Variants in DENND5B observed in about 807,000 individuals in gnomAD.
DENND5B encodes DENN domain-containing protein 5B.
DENND5B carries 34 observed loss-of-function variants against 140.6 expected under a neutral mutation model. The observed-to-expected ratio is 0.24, with a 90% CI of 0.18 to 0.32. DENND5B has a LOEUF of 0.32. Ranked by LOEUF, DENND5B falls within the 10% of genes least tolerant of loss-of-function variation. The pLI is 1.00. For missense variants in DENND5B, 1,142 were observed against 1,560.2 expected, an observed-to-expected ratio of 0.73 and a Z score of 4.52; for synonymous variants, 551 against 562.1, an observed-to-expected ratio of 0.98 and a Z score of 0.28.
At chr12:31,587,144 T>C (rs142534487) in intron 1 of DENND5B, among the ~76,000 whole-genome samples, 164 of 152,314 alleles carry the variant, frequency 1.1e-3, no homozygotes, top group African/African-American at 3.5e-3. Flanking sequence ...TTTCTATCTA[T>C]ACTCAACCCT....
Position 31,495,936 on chromosome 12 carries a change from A to G in DENND5B, c.128-17T>C. The G allele has an allele frequency of 6.5e-7, 1 of 1,542,028 alleles. No homozygotes were observed. The highest frequency in any genetic ancestry group is 8.9e-7 in the Non-Finnish European group (1 of 1,127,646). ...AATTTTCGCCTACAACAAATAATACATAGTTAATATCTAGAACTTTTCCAA... is the reference window on the plus strand; with the variant it reads ...AATTTTCGCCTACAACAAATAATACGTAGTTAATATCTAGAACTTTTCCAA... On this transcript the variant is annotated splice_polypyrimidine_tract_variant and intron_variant, in intron 1 of 20. Coordinates refer to ENST00000389082, the MANE Select transcript of DENND5B (RefSeq NM_144973.4).
chr12:31,586,232 T>C (rs559263635), intron 1 of DENND5B, among the ~76,000 whole-genome samples: 2 of 152,330 alleles, frequency 1.3e-5, no homozygotes, highest in South Asian at 4.1e-4. Flanking sequence ...ATTGCATGAT[T>C]TACCTCCATT....
rs143154339 is a variant in DENND5B at position 31,559,864 on chromosome 12, A to C, written c.127+30842T>G. Among the ~76,000 whole-genome samples, 633 of 152,184 alleles carry C rather than the reference A, an allele frequency of 4.2e-3. 5 individuals are homozygous for C. Among genetic ancestry groups the C allele is most frequent in the African/African-American group, 0.014 (574 of 41,524 alleles). On this transcript the variant is annotated intron_variant, in intron 1 of 20. Coordinates refer to ENST00000389082, the MANE Select transcript of DENND5B (RefSeq NM_144973.4). Reference sequence around the variant, plus strand: ...TAGGAATTTTACAACGGAAGGAAAAAAGGGAAGAAAAAAGAGATACTCTTA... The same window carrying C: ...TAGGAATTTTACAACGGAAGGAAAACAGGGAAGAAAAAAGAGATACTCTTA...
intron 1 of DENND5B, among the ~76,000 whole-genome samples, chr12:31,573,491 G>A (rs1949893900): frequency 6.6e-6 from 1 of 152,192 alleles, no homozygotes; most frequent in Admixed American, 6.5e-5. Flanking sequence ...GCCCCATAAT[G>A]ATTCAACAAG....
intron 1 of DENND5B, among the ~76,000 whole-genome samples, chr12:31,515,446 A>G (rs1360667883): frequency 6.6e-6 from 1 of 152,186 alleles, no homozygotes; most frequent in Non-Finnish European, 1.5e-5. Context: ...TAACCAGGGA[A>G]ACTACATTAT....
intron 11 of DENND5B, among the ~76,000 whole-genome samples, chr12:31,419,272 G>C (rs939643031): frequency 1.3e-5 from 2 of 152,152 alleles, no homozygotes; most frequent in African/African-American, 4.8e-5. Flanking sequence ...ACGAGAATTT[G>C]CTCATCTGCC....
intron 7 of DENND5B, 88 bp from the exon 8 acceptor site, chr12:31,433,336 T>G (rs904068467): frequency 1.8e-6 from 2 of 1,129,580 alleles, no homozygotes; most frequent in Non-Finnish European, 1.2e-6. Flanking sequence ...GACACACACA[T>G]TTTAAAATCA....
chr12:31,553,408 T>G (rs954365805), intron 1 of DENND5B, among the ~76,000 whole-genome samples: 2 of 152,242 alleles, frequency 1.3e-5, no homozygotes, highest in African/African-American at 2.4e-5. Context: ...CCTAGTTTGA[T>G]TGCACTGTGG....
chr12:31,528,876 T>A (rs141696072), intron 1 of DENND5B, among the ~76,000 whole-genome samples: 1 of 152,048 alleles, frequency 6.6e-6, no homozygotes. Flanking sequence ...ATTAAAGTCA[T>A]GAGGGTCAGG....
chr12:31,478,460 T>C (rs998585686), intron 3 of DENND5B, among the ~76,000 whole-genome samples: 1 of 152,170 alleles, frequency 6.6e-6, no homozygotes, highest in Non-Finnish European at 1.5e-5. Context: ...ATTCCAGCAC[T>C]TTGGGAGGCC....
chr12:31,445,506 C>A (rs2138023750), intron 6 of DENND5B, among the ~76,000 whole-genome samples: 1 of 152,218 alleles, frequency 6.6e-6, no homozygotes, highest in Non-Finnish European at 1.5e-5. Flanking sequence ...GAGTTCAAGA[C>A]CAGCCTGAGC....
At chr12:31,464,308 G>A (rs1211098114) in intron 3 of DENND5B, among the ~76,000 whole-genome samples, 1 of 152,084 alleles carries the variant, frequency 6.6e-6, no homozygotes, top group Non-Finnish European at 1.5e-5. Context: ...TGCCCAGAAT[G>A]TCCCTTCCTC....
chr12:31,483,929 A>G (rs1479712827), intron 2 of DENND5B, among the ~76,000 whole-genome samples: 6 of 148,450 alleles, frequency 4.0e-5, no homozygotes, highest in African/African-American at 1.2e-4. Context: ...CGGTGGCGCA[A>G]TCTTGGCTCA....
At chr12:31,388,584 G>A (rs1940966326) in intron 20 of DENND5B, among the ~76,000 whole-genome samples, 2 of 152,000 alleles carry the variant, frequency 1.3e-5, no homozygotes, top group Non-Finnish European at 1.5e-5. Flanking sequence ...GCCATCTTCA[G>A]TCTCAAGTTG....
At chr12:31,490,570 C>G (rs1208878628) in intron 2 of DENND5B, among the ~76,000 whole-genome samples, 1 of 151,266 alleles carries the variant, frequency 6.6e-6, no homozygotes, top group Admixed American at 6.6e-5. Context: ...AAGATTGCAC[C>G]AGTGCACTCC....
At chr12:31,405,328 C>T (rs1464905342) in intron 14 of DENND5B, among the ~76,000 whole-genome samples, 2 of 151,950 alleles carry the variant, frequency 1.3e-5, no homozygotes, top group African/African-American at 4.8e-5. Flanking sequence ...GTGATCCTCC[C>T]ACCTCGGCCT....
intron 1 of DENND5B, among the ~76,000 whole-genome samples, chr12:31,533,943 C>T (rs1191802542): frequency 6.7e-6 from 1 of 148,972 alleles, no homozygotes; most frequent in Non-Finnish European, 1.5e-5. Context: ...GTTAGTTCTT[C>T]TGGTTTAAAA....
Position 31,383,123 on chromosome 12 carries a change from CT to C in DENND5B, c.*4479del, listed in dbSNP as rs1940701997. On this transcript the variant is annotated 3_prime_UTR_variant, in exon 21 of 21. Transcript: ENST00000389082. ...TATAAATAGCTAAAGTTCAGATTGT[CT>C]TTTCAACATAGTGAAAAGGATACAC... 6.6e-6 allele frequency: 1 copy of C among 152,122 alleles called. No individual in the cohort carries two copies. Among genetic ancestry groups the C allele is most frequent in the Admixed American group, 6.6e-5 (1 of 15,256 alleles). 9.4% of individuals were successfully genotyped at this position (152,122 alleles called of 1,614,324 possible).
intron 3 of DENND5B, among the ~76,000 whole-genome samples, chr12:31,476,749 A>C (rs1565618154): frequency 6.6e-6 from 1 of 152,048 alleles, no homozygotes; most frequent in Non-Finnish European, 1.5e-5. Flanking sequence ...CTGTGAATAC[A>C]CTGTACTCCA....
Sources: allele counts gnomAD v4.1 joint callset (sites outside exome capture counted in the v4.1 genomes callset), GRCh38; gene constraint gnomAD v4.1.1; transcripts MANE v1.5; gene names NCBI Gene and HGNC (gene_info 2026-07-23, HGNC 2026-07-21).